FOXP2: variants seen among roughly 807,000 people sequenced by gnomAD.
FOXP2 encodes forkhead box protein P2.
In FOXP2, 12 loss-of-function variants were observed where a neutral mutation model predicts 115.8. The ratio of observed to expected loss-of-function variants is 0.10; its 90% CI spans 0.07 to 0.17. The LOEUF is 0.17. Among genes scored for constraint, FOXP2 ranks in the 10% least tolerant of loss-of-function variants. The pLI is 1.00. For synonymous variants in FOXP2, 328 were observed against 297.7 expected (o/e 1.10, Z -1.05); for missense variants, 629 against 843.5 (o/e 0.75, Z 3.15).
At chr7:114,096,992 A>C (rs1481783412) in intron 1 of FOXP2, among the ~76,000 whole-genome samples, 1 of 149,406 alleles carries the variant, frequency 6.7e-6, no homozygotes, top group Non-Finnish European at 1.5e-5. Flanking sequence ...ATTTTAAAAT[A>C]ATACTTTGAT....
intron 1 of FOXP2, among the ~76,000 whole-genome samples, chr7:114,092,722 T>A (rs1391199208): frequency 6.6e-6 from 1 of 152,008 alleles, no homozygotes; most frequent in Non-Finnish European, 1.5e-5. Flanking sequence ...TAAAAAAAGA[T>A]CCCCAACATC....
At chr7:114,225,306 T>TC (rs754396448) in intron 1 of FOXP2, among the ~76,000 whole-genome samples, 2 of 151,844 alleles carry the variant, frequency 1.3e-5, no homozygotes, top group African/African-American at 2.4e-5. Flanking sequence ...TGTATGGCCT[T>TC]CCCCCCCTCC....
At chr7:114,431,379 T>G (rs1176197972) in intron 2 of FOXP2, among the ~76,000 whole-genome samples, 1 of 151,862 alleles carries the variant, frequency 6.6e-6, no homozygotes, top group Non-Finnish European at 1.5e-5. Context: ...CTGACTTTGT[T>G]GCTTGAGGAG....
chr7:114,624,577 C>T (rs561852888), intron 3 of FOXP2, among the ~76,000 whole-genome samples: 10 of 151,898 alleles, frequency 6.6e-5, no homozygotes, highest in African/African-American at 2.4e-4. Flanking sequence ...TTCAGAAATG[C>T]TCCAACTGAA....
At chr7:114,297,509 C>T (rs937476710) in intron 2 of FOXP2, 39 of 277,742 alleles carry the variant, frequency 1.4e-4, no homozygotes, top group South Asian at 5.8e-4. Flanking sequence ...TCCATCAATT[C>T]GCACAACTAT....
At chr7:114,101,700 T>A (rs973905669) in intron 1 of FOXP2, among the ~76,000 whole-genome samples, 1 of 152,170 alleles carries the variant, frequency 6.6e-6, no homozygotes, top group African/African-American at 2.4e-5. Context: ...TTCTTATGTA[T>A]TATGTCTGTT....
chr7:114,131,725 T>C (rs1398033716), intron 1 of FOXP2, among the ~76,000 whole-genome samples: 1 of 152,200 alleles, frequency 6.6e-6, no homozygotes, highest in Non-Finnish European at 1.5e-5. Context: ...ATCCTCAAAC[T>C]AAATATCCAC....
At chr7:114,281,512 C>A (rs1480709012) in intron 1 of FOXP2, among the ~76,000 whole-genome samples, 3 of 152,162 alleles carry the variant, frequency 2.0e-5, no homozygotes, top group African/African-American at 7.2e-5. Context: ...TCCAAGAAGG[C>A]AGAAACCTAC....
intron 3 of FOXP2, among the ~76,000 whole-genome samples, chr7:114,578,947 T>C: frequency 6.6e-6 from 1 of 152,146 alleles, no homozygotes; most frequent in Non-Finnish European, 1.5e-5. Flanking sequence ...AAAACATATA[T>C]AAGGCAATAG....
Position 114,691,576 on chromosome 7 carries a change from A to G in FOXP2, c.*1650A>G. 2.2e-6 allele frequency: 1 copy of G among 454,018 alleles called. No individual in the cohort carries two copies. The highest frequency in any genetic ancestry group is 4.4e-6 in the Non-Finnish European group (1 of 226,754). 28.1% of individuals were successfully genotyped at this position (454,018 alleles called of 1,614,324 possible). On this transcript the variant is annotated 3_prime_UTR_variant, in exon 17 of 17. Transcript: ENST00000350908. ...AATGAGTTATGATGTAGTTGAAAAT[A>G]GCATAGTCAGATGTTTGCTTAAAAC...
rs1375575897 is a variant in FOXP2 at position 114,642,506 on chromosome 7, T to C, written c.872T>C (p.Leu291Pro). The C allele has an allele frequency of 3.1e-6, 5 of 1,613,852 alleles. No individual in the cohort carries two copies. Among genetic ancestry groups the C allele is most frequent in the Non-Finnish European group, 4.2e-6 (5 of 1,179,940 alleles). The stretch of plus-strand genomic sequence containing the variant: ...GGCATTAAACATGGAGGGCTAGACC[T>C]CACTACTAACAATTCCTCCTCGACT... The part of the protein sequence containing the change: ...DNGIKHGGLD[L>P]TTNNSSSTTS... The change falls in exon 7 of 17, where the codon CTC becomes CCC. Residue 291 changes from leucine to proline, a missense_variant. By Grantham distance (98) the Leu-to-Pro change is moderately conservative. Transcript: ENST00000350908.
intron 2 of FOXP2, among the ~76,000 whole-genome samples, chr7:114,335,158 G>A (rs1156731104): frequency 6.6e-6 from 1 of 151,220 alleles, no homozygotes; most frequent in East Asian, 1.9e-4. Context: ...AAGAAGTGAA[G>A]TACCCTGAAA....
intron 1 of FOXP2, among the ~76,000 whole-genome samples, chr7:114,212,855 G>A (rs1255909259): frequency 1.3e-5 from 2 of 152,202 alleles, no homozygotes; most frequent in African/African-American, 4.8e-5. Context: ...GGAAAAGGCT[G>A]TGGAAGTAAA....
intron 3 of FOXP2, among the ~76,000 whole-genome samples, chr7:114,615,816 C>T (rs556278062): frequency 6.6e-6 from 1 of 152,286 alleles, no homozygotes; most frequent in South Asian, 2.1e-4. Context: ...AGTTCGGGAA[C>T]TTTGTGTGAG....
At chr7:114,159,464 T>G (rs1033377730), upstream of FOXP2, among the ~76,000 whole-genome samples, 1 of 151,366 alleles carries the variant, frequency 6.6e-6, no homozygotes, top group African/African-American at 2.4e-5. Flanking sequence ...CAAATGATTT[T>G]TTTTTCATGT....
chr7:114,629,474 C>G, intron 4 of FOXP2: 2 of 848,776 alleles, frequency 2.4e-6, no homozygotes, highest in Non-Finnish European at 3.6e-6. Flanking sequence ...TTTATTCTTA[C>G]AACTGGTAGA....
intron 11 of FOXP2, among the ~76,000 whole-genome samples, chr7:114,659,033 T>C (rs1352534295): frequency 6.6e-6 from 1 of 152,080 alleles, no homozygotes; most frequent in East Asian, 1.9e-4. Flanking sequence ...GAAGCAAAGA[T>C]TATAGCAGGG....
chr7:114,088,519 A>G (rs1253802575), intron 1 of FOXP2, among the ~76,000 whole-genome samples: 1 of 152,262 alleles, frequency 6.6e-6, no homozygotes, highest in Non-Finnish European at 1.5e-5. Flanking sequence ...TTACTTTTAG[A>G]AAACAAAAGT....
upstream of FOXP2, chr7:114,086,465 T>C: frequency 2.9e-6 from 1 of 341,148 alleles, no homozygotes; most frequent in Non-Finnish European, 5.7e-6. Flanking sequence ...TGGCTGCGGC[T>C]TCCTCGGCCC....
Sources: gnomAD v4.1 joint callset for allele counts (sites outside exome capture counted in the v4.1 genomes callset) on GRCh38, gnomAD v4.1.1 for gene constraint, MANE v1.5 for transcripts, NCBI Gene and HGNC (gene_info 2026-07-23, HGNC 2026-07-21) for gene names.